The following CEP112 variants were observed in gnomAD, a reference collection of about 807,000 sequenced individuals.
The protein encoded by CEP112 is centrosomal protein of 112 kDa.
CEP112 carries 127 observed loss-of-function variants against 153.0 expected under a neutral mutation model. That is an observed-to-expected ratio of 0.83 (90% CI 0.72 to 0.96). The LOEUF is 0.96. Among genes scored for constraint, CEP112 ranks in the 40% least tolerant of loss-of-function variants. The pLI, the probability that CEP112 is intolerant of heterozygous loss-of-function variation, is 0.00. For synonymous variants in CEP112, 358 were observed against 374.4 expected (o/e 0.96, Z 0.51); for missense variants, 1,089 against 1,101.2 (o/e 0.99, Z 0.16).
rs185021674 is a variant in CEP112 at position 65,918,755 on chromosome 17, G to T, written c.1980+8827C>A. Reference sequence around the variant, plus strand: ...AAAGAAACAGGAAATCTTGATGAAAGCTTGGGCTTTACAGGATATTTGTGT... The same window carrying T: ...AAAGAAACAGGAAATCTTGATGAAATCTTGGGCTTTACAGGATATTTGTGT... On this transcript the variant is annotated intron_variant, in intron 19 of 26. Transcript: ENST00000535342. Among the ~76,000 whole-genome samples, 9 of 152,316 alleles carry T rather than the reference G, an allele frequency of 5.9e-5. No individual in the cohort carries two copies. The East Asian group carries it at 1.7e-3, about 29-fold the overall frequency.
intron 12 of CEP112, among the ~76,000 whole-genome samples, chr17:66,046,326 G>A (rs1029000416): frequency 6.6e-6 from 1 of 152,156 alleles, no homozygotes; most frequent in East Asian, 1.9e-4. Flanking sequence ...ATAGGCGTGA[G>A]CCACCACGCC....
intron 14 of CEP112, among the ~76,000 whole-genome samples, chr17:66,028,680 C>T (rs2065330188): frequency 6.6e-6 from 1 of 151,522 alleles, no homozygotes; most frequent in South Asian, 2.1e-4. Context: ...AAATTAAATG[C>T]TACATAATAT....
intron 17 of CEP112, among the ~76,000 whole-genome samples, chr17:65,966,482 C>G (rs4611495): frequency 0.48 from 73,046 of 151,988 alleles, 18,556 homozygotes; most frequent in East Asian, 0.89. Context: ...TACTTCATTT[C>G]CTGCCAGCTT....
At chr17:66,110,767 A>C (rs2069000586) in intron 6 of CEP112, among the ~76,000 whole-genome samples, 1 of 152,136 alleles carries the variant, frequency 6.6e-6, no homozygotes, top group Non-Finnish European at 1.5e-5. Context: ...CCTGGAAGAG[A>C]ACCTAGGCAA....
intron 4 of CEP112, among the ~76,000 whole-genome samples, chr17:66,172,019 A>G (rs1041478718): frequency 3.9e-5 from 6 of 152,204 alleles, no homozygotes; most frequent in Non-Finnish European, 5.9e-5. Flanking sequence ...TTAAAAAGAA[A>G]AAAAAATCCT....
chr17:65,985,559 A>G (rs2063377761), intron 17 of CEP112, among the ~76,000 whole-genome samples: 1 of 152,164 alleles, frequency 6.6e-6, no homozygotes. Context: ...TTTTTAAGGG[A>G]TAAAAGCTTC....
chr17:65,945,100 T>C (rs1280382257), intron 18 of CEP112, among the ~76,000 whole-genome samples: 3 of 152,178 alleles, frequency 2.0e-5, no homozygotes, highest in Non-Finnish European at 2.9e-5. Flanking sequence ...TTTTGTTTGG[T>C]TCTGTTTCTA....
At chr17:66,014,002 T>C (rs1176060348) in intron 16 of CEP112, among the ~76,000 whole-genome samples, 1 of 152,138 alleles carries the variant, frequency 6.6e-6, no homozygotes, top group East Asian at 1.9e-4. Context: ...ACACCAGAAA[T>C]GGCAGCACTG....
Position 65,947,464 on chromosome 17 carries a change from A to G in CEP112, c.1872+13999T>C, listed in dbSNP as rs373942445. On this transcript the variant is annotated intron_variant, in intron 18 of 26. Transcript: ENST00000535342. ...TGTATTAAAAAATAACAATGTTACT[A>G]TTTTCACAAATCAGCCAAGTGGAGA... Among the ~76,000 whole-genome samples, 617 of 152,194 alleles carry G rather than the reference A, an allele frequency of 4.1e-3. 6 individuals carry two copies. The highest frequency in any genetic ancestry group is 0.014 in the African/African-American group (584 of 41,544).
chr17:65,898,782 T>C (rs2059745596), intron 20 of CEP112, among the ~76,000 whole-genome samples: 1 of 152,152 alleles, frequency 6.6e-6, no homozygotes, highest in Non-Finnish European at 1.5e-5. Context: ...GGTGCCTAAA[T>C]GTCTCTACTG....
chr17:66,140,915 G>A (rs2070668431), intron 4 of CEP112, among the ~76,000 whole-genome samples: 1 of 151,994 alleles, frequency 6.6e-6, no homozygotes, highest in African/African-American at 2.4e-5. Flanking sequence ...CCAAAGTGCT[G>A]GGATTACAGG....
chr17:66,066,828 CT>C lies in CEP112; in HGVS notation c.904del (p.Arg302GlyfsTer21). The C allele has an allele frequency of 6.4e-7, 1 of 1,552,934 alleles. No individual in the cohort carries two copies. Among genetic ancestry groups the C allele is most frequent in the Non-Finnish European group, 8.7e-7 (1 of 1,153,654 alleles). ...NEIEELKTLY[R>X]SKQHETEETI... is the part of the protein sequence containing the mutation. ...CTCTTCAGTTTCATGTTGTTTACTC[CT>C]GTATAAAGTTTTCAGTTCTTCTATT... is the stretch of plus-strand genomic sequence containing the variant. On this transcript the variant is annotated frameshift_variant, in exon 10 of 27. Coordinates refer to ENST00000535342, the MANE Select transcript of CEP112 (RefSeq NM_001199165.4). LOFTEE classifies it high-confidence loss of function.
intron 26 of CEP112, 120 bp from the exon 27 acceptor site, chr17:65,636,094 G>T: frequency 1.1e-6 from 1 of 939,870 alleles, no homozygotes; most frequent in Non-Finnish European, 1.7e-6. Flanking sequence ...ATATCAAAAT[G>T]TCATAATTTA....
intron 20 of CEP112, among the ~76,000 whole-genome samples, chr17:65,892,490 C>T (rs1015650702): frequency 2.6e-5 from 4 of 151,662 alleles, no homozygotes; most frequent in African/African-American, 4.8e-5. Context: ...AATGTTTTTA[C>T]GAAACACCAA....
intron 4 of CEP112, among the ~76,000 whole-genome samples, chr17:66,144,608 G>A (rs1356419967): frequency 1.3e-5 from 2 of 152,132 alleles, no homozygotes; most frequent in Non-Finnish European, 2.9e-5. Context: ...CAGGAGAATT[G>A]CTTGAACCCA....
At chr17:66,106,060 T>G (rs1190955487) in intron 6 of CEP112, among the ~76,000 whole-genome samples, 3 of 151,280 alleles carry the variant, frequency 2.0e-5, no homozygotes, top group Non-Finnish European at 2.9e-5. Flanking sequence ...CATGGGTCAA[T>G]AAAGAAATAA....
At chr17:65,744,880 A>C (rs2051351779) in intron 22 of CEP112, among the ~76,000 whole-genome samples, 1 of 152,220 alleles carries the variant, frequency 6.6e-6, no homozygotes, top group African/African-American at 2.4e-5. Context: ...AATAAAAGAA[A>C]CAACATTAGA....
At chr17:66,132,431 A>T (rs2070229094) in intron 5 of CEP112, among the ~76,000 whole-genome samples, 1 of 152,136 alleles carries the variant, frequency 6.6e-6, no homozygotes, top group Non-Finnish European at 1.5e-5. Flanking sequence ...ATTCTTTGAC[A>T]CACAGGAGAA....
chr17:65,878,135 T>C (rs2058906586), intron 20 of CEP112, among the ~76,000 whole-genome samples: 1 of 152,102 alleles, frequency 6.6e-6, no homozygotes, highest in African/African-American at 2.4e-5. Context: ...TAATTAACAA[T>C]ACTGTTTTGT....
Sources: gnomAD v4.1 joint callset for allele counts (sites outside exome capture counted in the v4.1 genomes callset) on GRCh38, gnomAD v4.1.1 for gene constraint, MANE v1.5 for transcripts, NCBI Gene and HGNC (gene_info 2026-07-23, HGNC 2026-07-21) for gene names.